NPY2R: variants seen among roughly 807,000 people sequenced by gnomAD.
NPY2R encodes neuropeptide Y receptor type 2.
A neutral mutation model predicts 22.3 loss-of-function variants in NPY2R; 17 were observed. The observed-to-expected ratio is 0.76, with a 90% CI of 0.52 to 1.14. The LOEUF (loss-of-function observed/expected upper bound fraction) is 1.14. Ranked by LOEUF, NPY2R falls within the 50% of genes most tolerant of loss-of-function variation. NPY2R has a pLI of 0.00. For missense variants in NPY2R, 424 were observed against 467.9 expected (o/e 0.91, Z 0.87); for synonymous variants, 209 against 183.4 (o/e 1.14, Z -1.13).
In NPY2R at chr4:155,215,141, T is replaced by C; in HGVS notation, c.*56T>C. Reference sequence around the variant, plus strand: ...ATTCTGACCAGAGCTATGAATCTGGTTGATGGCGGCTCACAAGTGAAAACT... The same window carrying C: ...ATTCTGACCAGAGCTATGAATCTGGCTGATGGCGGCTCACAAGTGAAAACT... On this transcript the variant is annotated 3_prime_UTR_variant, in exon 2 of 2. Transcript: ENST00000329476. 1 of 1,496,140 alleles carries C rather than the reference T, an allele frequency of 6.7e-7. No individual in the cohort carries two copies. The highest frequency in any genetic ancestry group is 9.3e-7 in the Non-Finnish European group (1 of 1,074,284). The allele number at this position is 1,496,140 out of a possible 1,614,324, so 92.7% of individuals were successfully genotyped here. A position where few individuals can be genotyped will look rare whatever the true frequency, so the allele number is the denominator to read the frequency against.
chr4:155,200,744 A>G, the NPY2R span, among the ~76,000 whole-genome samples: 1 of 152,166 alleles, frequency 6.6e-6, no homozygotes, highest in Non-Finnish European at 1.5e-5. Context: ...TCAGCAAACT[A>G]ATGCAGGAAC....
At position 155,214,057 on chromosome 4, in the gene NPY2R, C is replaced by T. The variant is rs757783715; in HGVS notation, c.118C>T (p.Leu40Phe). 6.2e-6 allele frequency: 10 copies of T among 1,613,888 alleles called. No homozygotes were observed. The South Asian group carries it at 8.8e-5, about 14-fold the overall frequency. Residue 40 changes from leucine (L) to phenylalanine (F), a missense_variant, in exon 2 of 2, where the codon CTT becomes TTT. Physicochemically the swap from Leu to Phe is conservative, Grantham distance 22. Transcript: ENST00000329476. ...ACTGGTCCCTGACCCTGAGCCAGAG[C>T]TTATAGATAGTACCAAGCTGATTGA... is the stretch of plus-strand genomic sequence containing the variant. ...GELVPDPEPE[L>F]IDSTKLIEVQ...
chr4:155,196,377 G>A, the NPY2R span, among the ~76,000 whole-genome samples: 86,624 of 151,692 alleles, frequency 0.57, 25,669 homozygotes, highest in East Asian at 0.94. Context: ...GGAGTCATCA[G>A]TGATGGCAAG....
chr4:155,208,453 G>A (rs970294821), upstream of NPY2R: 3 of 152,326 alleles, frequency 2.0e-5, no homozygotes, highest in Admixed American at 6.5e-5. The surrounding 1 kb of genome is among the most constrained non-coding windows in gnomAD (Gnocchi z 5.6). Context: ...GGGGGGTAGA[G>A]AGCAAAGGGA....
the NPY2R span, among the ~76,000 whole-genome samples, chr4:155,203,548 T>C: frequency 6.6e-6 from 1 of 152,180 alleles, no homozygotes; most frequent in Non-Finnish European, 1.5e-5. Context: ...GCCCCAATTA[T>C]ATCTGTTCAG....
At chr4:155,189,269 A>G in the NPY2R span, among the ~76,000 whole-genome samples, 1 of 152,040 alleles carries the variant, frequency 6.6e-6, no homozygotes, top group Non-Finnish European at 1.5e-5. Context: ...TGCAGATATT[A>G]TGTACCTCCT....
At chr4:155,200,461 T>C in the NPY2R span, among the ~76,000 whole-genome samples, 3 of 152,210 alleles carry the variant, frequency 2.0e-5, no homozygotes, top group Admixed American at 2.0e-4. Flanking sequence ...CTCAAGGATC[T>C]AGAACCAGAA....
the NPY2R span, among the ~76,000 whole-genome samples, chr4:155,176,387 G>A: frequency 7.6e-4 from 116 of 152,216 alleles, 2 homozygotes; most frequent in South Asian, 0.022. Flanking sequence ...TTCTTCTCGG[G>A]CGGGGTCTTT....
chr4:155,195,486 C>T, the NPY2R span, among the ~76,000 whole-genome samples: 4 of 151,830 alleles, frequency 2.6e-5, no homozygotes, highest in African/African-American at 4.8e-5. Context: ...AATCCTAGCA[C>T]CACAGTTAAG....
At chr4:155,174,413 A>G in the NPY2R span, 1 of 148,518 alleles carries the variant, frequency 6.7e-6, no homozygotes, top group African/African-American at 2.5e-5. Context: ...ATTAAGTGAT[A>G]GAGCTCAGAT....
intron 1 of NPY2R, among the ~76,000 whole-genome samples, chr4:155,211,387 A>G (rs1408858810): frequency 2.6e-5 from 4 of 152,176 alleles, no homozygotes; most frequent in Non-Finnish European, 5.9e-5. Flanking sequence ...GCAGAGAGGC[A>G]TGAAAAAGGC....
At chr4:155,203,078 A>G in the NPY2R span, among the ~76,000 whole-genome samples, 1 of 152,148 alleles carries the variant, frequency 6.6e-6, no homozygotes, top group Admixed American at 6.5e-5. Context: ...TGATTGCTAA[A>G]AAGTAAAAAT....
chr4:155,190,103 T>C, the NPY2R span, among the ~76,000 whole-genome samples: 1 of 152,056 alleles, frequency 6.6e-6, no homozygotes, highest in Admixed American at 6.6e-5. Context: ...GACACTTAAA[T>C]GTTTTTAAAA....
chr4:155,211,372 G>A (rs1003355325), intron 1 of NPY2R, among the ~76,000 whole-genome samples: 1 of 152,122 alleles, frequency 6.6e-6, no homozygotes, highest in African/African-American at 2.4e-5. Flanking sequence ...TTTAAAACGG[G>A]GAGGGCAGAG....
At chr4:155,176,781 G>A in the NPY2R span, among the ~76,000 whole-genome samples, 3 of 152,008 alleles carry the variant, frequency 2.0e-5, no homozygotes, top group Admixed American at 1.3e-4. Flanking sequence ...TCAGGGCACC[G>A]GCAGACTTGG....
the NPY2R span, among the ~76,000 whole-genome samples, chr4:155,186,850 T>C: frequency 6.6e-6 from 1 of 152,194 alleles, no homozygotes; most frequent in East Asian, 1.9e-4. Flanking sequence ...ATCTAAGAAT[T>C]TACCTGGACT....
the NPY2R span, among the ~76,000 whole-genome samples, chr4:155,176,620 A>G: frequency 6.6e-6 from 1 of 152,130 alleles, no homozygotes; most frequent in Non-Finnish European, 1.5e-5. Context: ...TTGTGTCCCC[A>G]CAGATCTTTA....
the NPY2R span, among the ~76,000 whole-genome samples, chr4:155,189,498 T>C: frequency 6.6e-6 from 1 of 152,140 alleles, no homozygotes; most frequent in African/African-American, 2.4e-5. Context: ...TATCACCTTG[T>C]GACATAATTA....
the NPY2R span, among the ~76,000 whole-genome samples, chr4:155,177,523 T>C: frequency 6.6e-6 from 1 of 152,152 alleles, no homozygotes; most frequent in Non-Finnish European, 1.5e-5. Flanking sequence ...TGTCACTCAT[T>C]TAAGCCCCCT....
Sources: allele counts gnomAD v4.1 joint callset (sites outside exome capture counted in the v4.1 genomes callset), GRCh38; gene constraint gnomAD v4.1.1; non-coding constraint Gnocchi (gnomAD v3.1); transcripts MANE v1.5; gene names NCBI Gene and HGNC (gene_info 2026-07-23, HGNC 2026-07-21).